FGFR1: variants seen among roughly 807,000 people sequenced by gnomAD.
The protein encoded by FGFR1 is fibroblast growth factor receptor 1, also known as FGFR1/PLAG1 fusion.
In FGFR1, 18 loss-of-function variants were observed where a neutral mutation model predicts 93.7. The ratio of observed to expected loss-of-function variants is 0.19; its 90% CI spans 0.13 to 0.28. The LOEUF is 0.28. FGFR1 is among the 10% of genes least tolerant of loss of function. The pLI is 1.00. For missense variants in FGFR1, 731 were observed against 1,080.4 expected (o/e 0.68, Z 4.53); for synonymous variants, 448 against 429.3 (o/e 1.04, Z -0.54).
intron 6 of FGFR1, chr8:38,425,886 T>A (rs1428319134): frequency 1.7e-6 from 1 of 585,752 alleles, no homozygotes. Flanking sequence ...GAACAGCACC[T>A]TCAATTTCAC....
chr8:38,451,595 G>A (rs1831094026), intron 2 of FGFR1, among the ~76,000 whole-genome samples: 1 of 152,106 alleles, frequency 6.6e-6, no homozygotes, highest in South Asian at 2.1e-4. Context: ...CATCCAGGGG[G>A]CTTGAGGCCA....
intron 1 of FGFR1, chr8:38,467,753 G>A (rs17175687): frequency 0.014 from 3,173 of 233,222 alleles, 99 homozygotes; most frequent in African/African-American, 0.066. Flanking sequence ...CGGGACGAGC[G>A]CAGGGAGGGG....
In FGFR1 at chr8:38,426,073, C is replaced by T. The variant is rs551218672; in HGVS notation, c.745+49G>A. 1 of 1,613,336 alleles carries T rather than the reference C, an allele frequency of 6.2e-7. No individual in the cohort carries two copies. Among genetic ancestry groups the T allele is most frequent in the South Asian group, 1.1e-5 (1 of 91,034 alleles). On this transcript the variant is annotated intron_variant, in intron 6 of 17. Transcript: ENST00000447712. The surrounding 1 kb of genome is among the most constrained non-coding windows in gnomAD (Gnocchi z 4.1). ...GACACCCCGGCTGTGTTCTCCAAGC[C>T]TGGCTCTTCCCACTAAACTCATTCC...
rs367880371 is a variant in FGFR1 at position 38,429,863 on chromosome 8, G to A, written c.177C>T (p.Asp59=). 788 of 1,614,034 alleles carry A rather than the reference G, an allele frequency of 4.9e-4. No individual in the cohort carries two copies. Among genetic ancestry groups the A allele is most frequent in the Non-Finnish European group, 6.1e-4 (719 of 1,180,020 alleles). The part of the protein sequence containing the change: ...DLLQLRCRLR[D]DVQSINWLRD... The stretch of plus-strand genomic sequence containing the variant: ...GCAGCCAGTTGATGCTCTGCACATC[G>A]TCCCGCAGCCGACAGCGAAGCTGCA... The change falls in exon 3 of 18, where the codon GAC becomes GAT. Residue 59 remains aspartate (D), a synonymous_variant. Coordinates refer to ENST00000447712, the MANE Select transcript of FGFR1 (RefSeq NM_023110.3). The surrounding 1 kb of genome is among the most constrained non-coding windows in gnomAD (Gnocchi z 4.4).
chr8:38,460,329 T>C (rs1382673580), intron 1 of FGFR1, among the ~76,000 whole-genome samples: 1 of 151,982 alleles, frequency 6.6e-6, no homozygotes, highest in African/African-American at 2.4e-5. Context: ...ACTTACTACA[T>C]CCCGAAAATA....
At chr8:38,422,032 G>A (rs2150763904) in intron 7 of FGFR1, 91 bp from the exon 8 acceptor site, 2 of 1,448,910 alleles carry the variant, frequency 1.4e-6, no homozygotes, top group Non-Finnish European at 9.6e-7. Context: ...AAAGAAGGGG[G>A]ACTAGAGGAA....
rs550120039 is a variant in FGFR1 at position 38,465,230 on chromosome 8, C to T, written c.-89+2751G>A. ...GGAACTGTCTAACACCCTCCATGGC[C>T]AGAGGCCAAGGAAAAGAAGCACCCT... On this transcript the variant is annotated intron_variant, in intron 1 of 17. Transcript: ENST00000447712. Among the ~76,000 whole-genome samples the T allele has an allele frequency of 1.3e-5, 2 of 152,338 alleles. 1 individual carries two copies. The highest frequency in any genetic ancestry group is 4.1e-4 in the South Asian group (2 of 4,828).
At chr8:38,428,703 T>G in intron 3 of FGFR1, 1 of 501,614 alleles carries the variant, frequency 2.0e-6, no homozygotes, top group Non-Finnish European at 3.6e-6. Context: ...TTTAACTTAA[T>G]TCCGTCCTAC....
At chr8:38,438,350 T>A (rs1163175265) in intron 2 of FGFR1, among the ~76,000 whole-genome samples, 1 of 152,142 alleles carries the variant, frequency 6.6e-6, no homozygotes, top group Non-Finnish European at 1.5e-5. Flanking sequence ...GAGACCAGCC[T>A]GGCCAACATG....
rs1286393730 is a variant in FGFR1, at chr8:38,412,511, GC to G, written c.*1116del. On this transcript the variant is annotated 3_prime_UTR_variant, in exon 18 of 18. Coordinates refer to ENST00000447712, the MANE Select transcript of FGFR1 (RefSeq NM_023110.3). The stretch of plus-strand genomic sequence containing the variant: ...CCTCTACTGCATGGATGGGGTTCCT[GC>G]CCTCGAAGCAGACATCTTCTTTTTC... The G allele has an allele frequency of 8.6e-6, 2 of 232,740 alleles. No homozygotes were observed. Among genetic ancestry groups the G allele is most frequent in the African/African-American group, 4.4e-5 (2 of 45,308 alleles). 14.4% of individuals were successfully genotyped at this position (232,740 alleles called of 1,614,324 possible).
At chr8:38,432,916 C>CCA (rs1563529938) in intron 2 of FGFR1, among the ~76,000 whole-genome samples, 1 of 141,384 alleles carries the variant, frequency 7.1e-6, no homozygotes, top group African/African-American at 2.6e-5. Flanking sequence ...GCGCCCCCCC[C>CCA]CCTCCCCAGT....
chr8:38,415,826 G>T, intron 13 of FGFR1, 44 bp downstream of exon 13: 1 of 1,589,850 alleles, frequency 6.3e-7, no homozygotes, highest in Non-Finnish European at 8.6e-7. Flanking sequence ...GGGGGGCTCT[G>T]TTCCCACCCT....
intron 1 of FGFR1, among the ~76,000 whole-genome samples, chr8:38,460,499 C>G (rs1008545346): frequency 9.9e-5 from 15 of 152,178 alleles, no homozygotes; most frequent in African/African-American, 3.6e-4. Flanking sequence ...CACTCTGTCC[C>G]CAGAAAAGCC....
At chr8:38,446,305 G>A (rs1039158446) in intron 2 of FGFR1, among the ~76,000 whole-genome samples, 15 of 151,092 alleles carry the variant, frequency 9.9e-5, no homozygotes, top group African/African-American at 3.4e-4. Context: ...CTGACTCCCT[G>A]GTTCAAGCGA....
intron 2 of FGFR1, among the ~76,000 whole-genome samples, chr8:38,434,050 A>G (rs1824277917): frequency 6.6e-6 from 1 of 152,244 alleles, no homozygotes; most frequent in South Asian, 2.1e-4. Context: ...TCTTTCACTT[A>G]GCATGTGTTC....
At chr8:38,440,905 T>C (rs1030723716) in intron 2 of FGFR1, among the ~76,000 whole-genome samples, 1 of 152,154 alleles carries the variant, frequency 6.6e-6, no homozygotes, top group Non-Finnish European at 1.5e-5. Flanking sequence ...CAGGAAGCCA[T>C]GGCCATTCAG....
chr8:38,417,614 G>C (rs1199053754), intron 11 of FGFR1, 198 bp from the exon 12 acceptor site: 1 of 716,946 alleles, frequency 1.4e-6, no homozygotes, highest in Non-Finnish European at 2.4e-6. Context: ...GCAGGGATGT[G>C]GTGAGGAAAG....
In FGFR1 at chr8:38,462,049, C is replaced by T. The variant is rs925804576; in HGVS notation, c.-88-4515G>A. On this transcript the variant is annotated intron_variant, in intron 1 of 17. Coordinates refer to ENST00000447712, the MANE Select transcript of FGFR1 (RefSeq NM_023110.3). Reference sequence around the variant, plus strand: ...ACACTTGAAATGTGGCTGGTGCTAACGGATATGCTATAAGTAAAAAGTATA... The same window carrying T: ...ACACTTGAAATGTGGCTGGTGCTAATGGATATGCTATAAGTAAAAAGTATA... 2.0e-5 allele frequency among the ~76,000 whole-genome samples: 3 copies of T among 151,956 alleles called. No individual in the cohort carries two copies. In the East Asian group the frequency reaches 5.8e-4, roughly 29 times the overall value.
At position 38,429,629 on chromosome 8, in the gene FGFR1, G is replaced by C; in HGVS notation, c.358+53C>G. Reference sequence around the variant, plus strand: ...CACCTTCCTCTGAAACTGGCAGAGAGGGCTGGAGGGGGTGGGTCTAGGGAG... The same window carrying C: ...CACCTTCCTCTGAAACTGGCAGAGACGGCTGGAGGGGGTGGGTCTAGGGAG... On this transcript the variant is annotated intron_variant, in intron 3 of 17. Coordinates refer to ENST00000447712, the MANE Select transcript of FGFR1 (RefSeq NM_023110.3). This position sits in a 1 kb window ranked among gnomAD's most constrained non-coding sequence, Gnocchi z 4.4. 1 of 1,538,350 alleles carries C rather than the reference G, an allele frequency of 6.5e-7. No homozygotes were observed. Among genetic ancestry groups the C allele is most frequent in the Non-Finnish European group, 8.8e-7 (1 of 1,137,006 alleles).
Sources: allele counts gnomAD v4.1 joint callset (sites outside exome capture counted in the v4.1 genomes callset), GRCh38; gene constraint gnomAD v4.1.1; non-coding constraint Gnocchi (gnomAD v3.1); transcripts MANE v1.5; gene names NCBI Gene and HGNC (gene_info 2026-07-23, HGNC 2026-07-21).